The following MDGA2 variants were observed in gnomAD, a reference collection of about 807,000 sequenced individuals.
The protein encoded by MDGA2 is MAM domain-containing glycosylphosphatidylinositol anchor protein 2.
In MDGA2, 40 loss-of-function variants were observed where a neutral mutation model predicts 117.8. That is an observed-to-expected ratio of 0.34 (90% CI 0.26 to 0.44). The LOEUF (loss-of-function observed/expected upper bound fraction) is 0.44. MDGA2 is among the 20% of genes least tolerant of loss of function. The pLI, the probability that MDGA2 is intolerant of heterozygous loss-of-function variation, is 1.00. For missense variants in MDGA2, 1,123 were observed against 1,250.6 expected (o/e 0.90, Z 1.54); for synonymous variants, 452 against 439.0 (o/e 1.03, Z -0.37).
At chr14:47,149,263 C>A (rs930417984) in intron 3 of MDGA2, among the ~76,000 whole-genome samples, 1 of 152,106 alleles carries the variant, frequency 6.6e-6, no homozygotes, top group Non-Finnish European at 1.5e-5. Flanking sequence ...GCACTCCAAC[C>A]TGGGGGACAG....
chr14:47,537,591 A>C (rs971756290), intron 1 of MDGA2, among the ~76,000 whole-genome samples: 1 of 132,998 alleles, frequency 7.5e-6, no homozygotes, highest in African/African-American at 3.5e-5. Flanking sequence ...AAAAAAAAAA[A>C]AAAAAAAAAA....
At chr14:47,180,145 G>A (rs533123418) in intron 3 of MDGA2, among the ~76,000 whole-genome samples, 62 of 152,214 alleles carry the variant, frequency 4.1e-4, no homozygotes, top group Non-Finnish European at 7.2e-4. Context: ...ATTGAGCCTA[G>A]TACCCATTAG....
At chr14:47,623,398 AAGTTT>A (rs1445486483) in intron 1 of MDGA2, among the ~76,000 whole-genome samples, 1 of 152,192 alleles carries the variant, frequency 6.6e-6, no homozygotes, top group East Asian at 1.9e-4. Flanking sequence ...ATAAAAGCTG[AAGTTT>A]CAAGGGACTG....
chr14:47,608,552 C>A (rs1896782588), intron 1 of MDGA2, among the ~76,000 whole-genome samples: 1 of 152,020 alleles, frequency 6.6e-6, no homozygotes, highest in Admixed American at 6.6e-5. Flanking sequence ...AGCAGAAAGT[C>A]CAGGTGGCTA....
At chr14:47,650,737 A>G (rs549061764) in intron 1 of MDGA2, among the ~76,000 whole-genome samples, 1 of 152,248 alleles carries the variant, frequency 6.6e-6, no homozygotes, top group Non-Finnish European at 1.5e-5. Flanking sequence ...TGTAAAATAA[A>G]AATATGTGAA....
In MDGA2 at chr14:47,247,151, C is replaced by T. The variant is rs1594751254; in HGVS notation, c.421-28956G>A. Among the ~76,000 whole-genome samples, 3 of 151,678 alleles carry T rather than the reference C, an allele frequency of 2.0e-5. 1 individual carries two copies. The South Asian group carries it at 6.2e-4, about 32-fold the overall frequency. ...ATTTTGGCCACAAGGAAAATTTAAACCTTGCAGGACAAGAGGTGCTGCGTC... is the reference window on the plus strand; with the variant it reads ...ATTTTGGCCACAAGGAAAATTTAAATCTTGCAGGACAAGAGGTGCTGCGTC... On this transcript the variant is annotated intron_variant, in intron 2 of 16. Coordinates refer to ENST00000399232, the MANE Select transcript of MDGA2 (RefSeq NM_001113498.3).
At chr14:47,188,794 G>A (rs921033517) in intron 3 of MDGA2, among the ~76,000 whole-genome samples, 4 of 152,176 alleles carry the variant, frequency 2.6e-5, no homozygotes, top group Middle Eastern at 3.4e-3. Flanking sequence ...TTTCTAGCAC[G>A]TCAGAGCAAA....
chr14:47,120,331 C>T (rs1211279501), intron 5 of MDGA2, among the ~76,000 whole-genome samples: 1 of 152,012 alleles, frequency 6.6e-6, no homozygotes, highest in Non-Finnish European at 1.5e-5. Flanking sequence ...ACACAGGGTG[C>T]CTATCAAAAA....
At chr14:47,562,491 C>T (rs1396087924) in intron 1 of MDGA2, among the ~76,000 whole-genome samples, 3 of 152,098 alleles carry the variant, frequency 2.0e-5, no homozygotes, top group African/African-American at 4.8e-5. Context: ...TCCAGGAATT[C>T]ATCAGTTTCT....
chr14:47,170,678 T>C (rs946074778), intron 3 of MDGA2, among the ~76,000 whole-genome samples: 6 of 152,128 alleles, frequency 3.9e-5, no homozygotes, highest in Non-Finnish European at 8.8e-5. Flanking sequence ...TACAAGTTTA[T>C]ACAAAACAAT....
At chr14:47,327,346 G>A (rs1025582981) in intron 1 of MDGA2, among the ~76,000 whole-genome samples, 3 of 152,094 alleles carry the variant, frequency 2.0e-5, no homozygotes, top group African/African-American at 4.8e-5. Context: ...AACATCCAGC[G>A]CATTTGTGTG....
At chr14:47,520,017 C>G (rs1230469267) in intron 1 of MDGA2, among the ~76,000 whole-genome samples, 2 of 152,146 alleles carry the variant, frequency 1.3e-5, no homozygotes, top group East Asian at 3.9e-4. Context: ...GGAACAACCT[C>G]ATATTTTTAA....
chr14:47,261,693 T>C (rs1887801230), intron 2 of MDGA2, among the ~76,000 whole-genome samples: 1 of 152,162 alleles, frequency 6.6e-6, no homozygotes, highest in Non-Finnish European at 1.5e-5. Flanking sequence ...TCTGAATTAC[T>C]CTTGTTCTGT....
At chr14:47,236,427 G>A (rs1886866914) in intron 2 of MDGA2, among the ~76,000 whole-genome samples, 1 of 152,056 alleles carries the variant, frequency 6.6e-6, no homozygotes, top group Non-Finnish European at 1.5e-5. Context: ...TTTGAGGAAA[G>A]TCATGAGAGG....
At chr14:47,570,922 C>T (rs768681358) in intron 1 of MDGA2, among the ~76,000 whole-genome samples, 3 of 152,018 alleles carry the variant, frequency 2.0e-5, no homozygotes, top group Non-Finnish European at 4.4e-5. Context: ...GATTAAACTA[C>T]AGAGCTTCCG....
chr14:46,865,535 G>A (rs1881718396), intron 14 of MDGA2, among the ~76,000 whole-genome samples: 1 of 152,060 alleles, frequency 6.6e-6, no homozygotes, highest in African/African-American at 2.4e-5. Context: ...TGGAAGTTCT[G>A]GCCAGGGCAA....
intron 3 of MDGA2, among the ~76,000 whole-genome samples, chr14:47,179,118 AAAC>A (rs1167092660): frequency 1.3e-5 from 2 of 152,102 alleles, no homozygotes; most frequent in African/African-American, 4.8e-5. Flanking sequence ...GTTAGAAGAC[AAAC>A]AACTGACTGT....
intron 1 of MDGA2, among the ~76,000 whole-genome samples, chr14:47,540,627 G>C (rs954973323): frequency 6.7e-6 from 1 of 150,260 alleles, no homozygotes; most frequent in Non-Finnish European, 1.5e-5. Context: ...TTCAGTGTGT[G>C]CTCATAGCTC....
intron 3 of MDGA2, among the ~76,000 whole-genome samples, chr14:47,204,492 T>C (rs1398701458): frequency 6.6e-6 from 1 of 152,002 alleles, no homozygotes; most frequent in Non-Finnish European, 1.5e-5. Flanking sequence ...AGTTACTTCA[T>C]TTTAGGTATA....
Sources: gnomAD v4.1 joint callset for allele counts (sites outside exome capture counted in the v4.1 genomes callset) on GRCh38, gnomAD v4.1.1 for gene constraint, MANE v1.5 for transcripts, NCBI Gene and HGNC (gene_info 2026-07-23, HGNC 2026-07-21) for gene names.